The following TDRD12 variants were observed in gnomAD, a reference collection of about 807,000 sequenced individuals.
TDRD12 encodes the protein putative ATP-dependent RNA helicase TDRD12.
A neutral mutation model predicts 133.5 loss-of-function variants in TDRD12; 158 were observed. The observed-to-expected ratio is 1.18, with a 90% CI of 1.04 to 1.35. TDRD12 has a LOEUF of 1.35. Among genes scored for constraint, TDRD12 ranks in the 40% most tolerant of loss-of-function variants. TDRD12 has a pLI of 0.00. For missense variants in TDRD12, 1,443 were observed against 1,321.3 expected (o/e 1.09, Z -1.43); for synonymous variants, 460 against 477.9 (o/e 0.96, Z 0.49).
intron 7 of TDRD12, 45 bp downstream of exon 7, chr19:32,756,226 T>G: frequency 7.3e-7 from 1 of 1,365,556 alleles, no homozygotes; most frequent in South Asian, 1.9e-5. Context: ...ATTGTTTTAT[T>G]AATAATCTTA....
intron 3 of TDRD12, among the ~76,000 whole-genome samples, chr19:32,741,413 G>A (rs1969422362): frequency 6.6e-6 from 1 of 152,216 alleles, no homozygotes; most frequent in South Asian, 2.1e-4. Flanking sequence ...GAATTTCATG[G>A]CATACGTGTT....
At chr19:32,793,016 T>C (rs1393747261) in intron 13 of TDRD12, among the ~76,000 whole-genome samples, 7 of 152,100 alleles carry the variant, frequency 4.6e-5, no homozygotes, top group Admixed American at 4.6e-4. Flanking sequence ...TGAAATCCTG[T>C]CTCTACTAAA....
intron 11 of TDRD12, among the ~76,000 whole-genome samples, chr19:32,783,982 G>C (rs1970839307): frequency 6.6e-6 from 1 of 152,078 alleles, no homozygotes; most frequent in African/African-American, 2.4e-5. Flanking sequence ...GCCCTGGCCA[G>C]ATACTGCCCT....
chr19:32,775,252 A>G (rs1029289387), intron 10 of TDRD12, among the ~76,000 whole-genome samples: 5 of 152,246 alleles, frequency 3.3e-5, no homozygotes, highest in African/African-American at 7.2e-5. Flanking sequence ...CAATGATTCT[A>G]CTGATCTGTC....
At chr19:32,726,190 C>A (rs1968854234) in intron 1 of TDRD12, among the ~76,000 whole-genome samples, 1 of 151,932 alleles carries the variant, frequency 6.6e-6, no homozygotes, top group Admixed American at 6.6e-5. Flanking sequence ...ACGCCATTCT[C>A]CTGCCTCAGC....
At chr19:32,797,507 A>C (rs761919208) in intron 14 of TDRD12, among the ~76,000 whole-genome samples, 6 of 152,222 alleles carry the variant, frequency 3.9e-5, no homozygotes, top group African/African-American at 1.2e-4. Context: ...CTTAAGAGCT[A>C]AATGAATGCA....
chr19:32,773,037 GCTT>G (rs1386083182), intron 9 of TDRD12, among the ~76,000 whole-genome samples, 187 bp downstream of exon 9: 1 of 152,174 alleles, frequency 6.6e-6, no homozygotes, highest in African/African-American at 2.4e-5. Flanking sequence ...AGTAGCTCCA[GCTT>G]CTTCATGTCG....
exon 7 of TDRD12, chr19:32,756,054 T>C: frequency 6.8e-7 from 1 of 1,481,476 alleles, no homozygotes; most frequent in East Asian, 2.8e-5. Flanking sequence ...CTACAAAGAA[T>C]AAAAACCTTG....
chr19:32,794,254 C>T (rs879434565), intron 13 of TDRD12, among the ~76,000 whole-genome samples: 2 of 151,690 alleles, frequency 1.3e-5, no homozygotes, highest in Admixed American at 6.6e-5. Context: ...TATAGGCATG[C>T]ACCACCACAC....
intron 1 of TDRD12, among the ~76,000 whole-genome samples, chr19:32,726,358 C>T (rs567830766): frequency 6.5e-4 from 99 of 152,252 alleles, no homozygotes; most frequent in African/African-American, 2.3e-3. Flanking sequence ...GGATTACAGG[C>T]GTGAACCACC....
intron 6 of TDRD12, among the ~76,000 whole-genome samples, chr19:32,755,756 G>A (rs1033441003): frequency 3.9e-5 from 6 of 152,194 alleles, no homozygotes; most frequent in Non-Finnish European, 5.9e-5. Flanking sequence ...GCTACAGTGC[G>A]TATGTCCAAG....
At chr19:32,721,146 T>C (rs1722967728) in intron 1 of TDRD12, among the ~76,000 whole-genome samples, 4 of 152,028 alleles carry the variant, frequency 2.6e-5, no homozygotes, top group African/African-American at 7.2e-5. Context: ...GCGTGGGCGT[T>C]GTTCTAGTCC....
rs1969470999 is a variant in TDRD12 at position 32,742,781 on chromosome 19, C to T, written c.321C>T (p.Asn107=). 5 of 1,551,114 alleles carry T rather than the reference C, an allele frequency of 3.2e-6. No homozygotes were observed. The East Asian group carries it at 7.3e-5, about 23-fold the overall frequency. The stretch of plus-strand genomic sequence containing the variant: ...GAGCTGTTTCTGTTTTACTTTTTAG[C>T]ATCCGAGTTGTAGTAGAATCGTTTA... Residue 107 remains asparagine (N), a splice_region_variant and synonymous_variant, in exon 4 of 28, where the codon AAC becomes AAT. Transcript: ENST00000444215.
At chr19:32,724,424 T>A (rs896062458) in intron 1 of TDRD12, among the ~76,000 whole-genome samples, 4 of 152,174 alleles carry the variant, frequency 2.6e-5, no homozygotes, top group Non-Finnish European at 5.9e-5. Context: ...CCTCCCTGTG[T>A]CCATGTGTTC....
intron 24 of TDRD12, 106 bp from the exon 25 acceptor site, chr19:32,813,578 G>T (rs888619895): frequency 3.6e-5 from 23 of 637,510 alleles, no homozygotes; most frequent in Non-Finnish European, 5.8e-5. Flanking sequence ...GCATTACTGT[G>T]AGGCTCAAAT....
chr19:32,739,618 G>GTCTGCATCTCCTGGGTGCTC (rs1380392730), intron 3 of TDRD12, among the ~76,000 whole-genome samples: 1 of 113,074 alleles, frequency 8.8e-6, no homozygotes, highest in Non-Finnish European at 1.8e-5. Context: ...CCTGGGTGCT[G>GTCTGCATCTCCTGGGTGCTC]TCTGCATCTC....
At chr19:32,754,697 A>G (rs772932120) in intron 6 of TDRD12, among the ~76,000 whole-genome samples, 29 of 85,844 alleles carry the variant, frequency 3.4e-4, no homozygotes, top group Non-Finnish European at 5.3e-4. Context: ...TTTTTTTGAG[A>G]TGGAGTTTCG....
downstream of TDRD12, chr19:32,826,254 C>T: frequency 6.8e-7 from 1 of 1,469,676 alleles, no homozygotes; most frequent in Non-Finnish European, 9.0e-7. Context: ...CTTCCACCCA[C>T]AAATAAAATG....
At chr19:32,732,191 A>G (rs143167525) in intron 2 of TDRD12, among the ~76,000 whole-genome samples, 255 of 152,196 alleles carry the variant, frequency 1.7e-3, no homozygotes, top group Admixed American at 3.8e-3. Context: ...TTTAGTAGAG[A>G]CGGGGGTTTC....
Sources: allele counts gnomAD v4.1 joint callset (sites outside exome capture counted in the v4.1 genomes callset), GRCh38; gene constraint gnomAD v4.1.1; transcripts MANE v1.5; gene names NCBI Gene and HGNC (gene_info 2026-07-23, HGNC 2026-07-21).